Variants in SMIM36 observed in about 807,000 individuals in gnomAD.
The protein encoded by SMIM36 is small integral membrane protein 36.
At chr17:55,516,211 GATA>G (rs948041589), upstream of SMIM36, among the ~76,000 whole-genome samples, 1 of 152,168 alleles carries the variant, frequency 6.6e-6, no homozygotes, top group Non-Finnish European at 1.5e-5. Context: ...TGTAGCTAGG[GATA>G]ATATTTTTAA....
At chr17:55,480,323 A>G (rs1909498583) in intron 1 of SMIM36, among the ~76,000 whole-genome samples, 1 of 152,158 alleles carries the variant, frequency 6.6e-6, no homozygotes, top group African/African-American at 2.4e-5. Context: ...TTGGAAGCAC[A>G]AAGACAATTT....
At chr17:55,473,936 C>G (rs949532562) in intron 3 of SMIM36, among the ~76,000 whole-genome samples, 6 of 152,188 alleles carry the variant, frequency 3.9e-5, no homozygotes, top group African/African-American at 1.4e-4. Context: ...AGATCGGCCC[C>G]TGACCTAATC....
chr17:55,483,716 C>G (rs182980352), intron 1 of SMIM36, among the ~76,000 whole-genome samples: 1 of 152,300 alleles, frequency 6.6e-6, no homozygotes, highest in Admixed American at 6.5e-5. Flanking sequence ...CTCACTGCAA[C>G]CTCTGCCTCT....
chr17:55,521,812 A>G, the SMIM36 span, among the ~76,000 whole-genome samples: 1 of 151,982 alleles, frequency 6.6e-6, no homozygotes, highest in African/African-American at 2.4e-5. Flanking sequence ...TACATTTAAA[A>G]TATATTGGGA....
intron 3 of SMIM36, among the ~76,000 whole-genome samples, chr17:55,471,125 T>C (rs576976374): frequency 1.1e-3 from 160 of 152,166 alleles, no homozygotes; most frequent in African/African-American, 3.5e-3. Flanking sequence ...GCATCTCTCC[T>C]CCCAGCCTCT....
chr17:55,492,158 CA>C (rs112417272), intron 1 of SMIM36, among the ~76,000 whole-genome samples: 39,197 of 128,066 alleles, frequency 0.31, 7,451 homozygotes, highest in East Asian at 0.54. Context: ...GAAACCATCT[CA>C]AAAAAAAAAA....
chr17:55,501,882 C>T (rs1399587361), intron 1 of SMIM36, among the ~76,000 whole-genome samples: 5 of 100,454 alleles, frequency 5.0e-5, no homozygotes, highest in Non-Finnish European at 7.6e-5. Context: ...GCACAGTGCG[C>T]GAGCCGAAGC....
chr17:55,488,650 CAT>C (rs1287234406), intron 1 of SMIM36, among the ~76,000 whole-genome samples: 1 of 152,104 alleles, frequency 6.6e-6, no homozygotes, highest in Non-Finnish European at 1.5e-5. Flanking sequence ...AAAGATGCAC[CAT>C]ATGTTATTAA....
chr17:55,527,666 G>C, the SMIM36 span: 1 of 152,190 alleles, frequency 6.6e-6, no homozygotes, highest in Non-Finnish European at 1.5e-5. Context: ...TAGGCAATTT[G>C]AAGTATCCTT....
the SMIM36 span, chr17:55,527,923 C>G: frequency 1.3e-5 from 2 of 152,222 alleles, no homozygotes; most frequent in Non-Finnish European, 2.9e-5. Context: ...AACACCTACC[C>G]CTTTTTCTGC....
intron 1 of SMIM36, among the ~76,000 whole-genome samples, chr17:55,481,928 C>T (rs1223542599): frequency 6.6e-6 from 1 of 152,160 alleles, no homozygotes; most frequent in Non-Finnish European, 1.5e-5. Context: ...AACCTGTAGA[C>T]TCAAGCGATT....
chr17:55,476,135 C>T (rs1030130751), intron 3 of SMIM36, among the ~76,000 whole-genome samples: 1 of 152,228 alleles, frequency 6.6e-6, no homozygotes, highest in African/African-American at 2.4e-5. Context: ...TGCATGTATA[C>T]ATCCAGATGG....
chr17:55,508,928 C>CAAAAAA (rs35834283), intron 1 of SMIM36, among the ~76,000 whole-genome samples: 23 of 97,004 alleles, frequency 2.4e-4, no homozygotes, highest in East Asian at 6.0e-4. Flanking sequence ...TGTCTCAGAA[C>CAAAAAA]AAAAAAAAAA....
chr17:55,528,553 T>G, the SMIM36 span, among the ~76,000 whole-genome samples: 1 of 151,182 alleles, frequency 6.6e-6, no homozygotes, highest in East Asian at 1.9e-4. Context: ...TTCTTTTCTT[T>G]TCTTTTTTTT....
the SMIM36 span, among the ~76,000 whole-genome samples, chr17:55,522,598 G>A: frequency 6.6e-6 from 1 of 152,156 alleles, no homozygotes; most frequent in African/African-American, 2.4e-5. Context: ...ACAGTATGGG[G>A]CAAACTGCCC....
chr17:55,451,148 G>C (rs1477329145), intron 4 of SMIM36, among the ~76,000 whole-genome samples: 1 of 152,128 alleles, frequency 6.6e-6, no homozygotes, highest in East Asian at 1.9e-4. Flanking sequence ...GCCTCCCAAA[G>C]TGCTGGGATT....
At chr17:55,489,832 A>G (rs9890857) in intron 1 of SMIM36, among the ~76,000 whole-genome samples, 119,543 of 151,746 alleles carry the variant, frequency 0.79, 47,549 homozygotes, top group Non-Finnish European at 0.82. Flanking sequence ...ACTGAATGGA[A>G]AAAGTTATTA....
chr17:55,481,334 T>C (rs1242942865), intron 1 of SMIM36, among the ~76,000 whole-genome samples: 2 of 152,124 alleles, frequency 1.3e-5, no homozygotes, highest in African/African-American at 4.8e-5. Context: ...GCAAAATAGG[T>C]AGACATACTG....
intron 1 of SMIM36, among the ~76,000 whole-genome samples, chr17:55,488,897 CCATCAT>C (rs59012291): frequency 9.5e-4 from 143 of 150,844 alleles, no homozygotes; most frequent in Middle Eastern, 3.4e-3. Context: ...TACTCATTTT[CCATCAT>C]CATCATCATC....
Sources: gnomAD v4.1 joint callset for allele counts (sites outside exome capture counted in the v4.1 genomes callset) on GRCh38, gnomAD v4.1.1 for gene constraint, MANE v1.5 for transcripts, NCBI Gene and HGNC (gene_info 2026-07-23, HGNC 2026-07-21) for gene names.